The following ZMYND11 variants were observed in gnomAD, a reference collection of about 807,000 sequenced individuals.
ZMYND11 encodes zinc finger MYND-type containing 11, also known as zinc finger MYND domain-containing protein 11.
ZMYND11 carries 9 observed loss-of-function variants against 84.9 expected under a neutral mutation model. The ratio of observed to expected loss-of-function variants is 0.11; its 90% confidence interval spans 0.06 to 0.18. The LOEUF (loss-of-function observed/expected upper bound fraction) is 0.18, where lower values mean the gene tolerates loss of function less well. ZMYND11 is among the 10% of genes least tolerant of loss of function. The probability of loss-of-function intolerance (pLI) is 1.00; values close to 1 mark genes in which losing one functional copy is unlikely to be tolerated. For synonymous variants in ZMYND11, 250 were observed against 244.1 expected, an observed-to-expected ratio of 1.02 and a Z score of -0.23; for missense variants, 409 against 761.0, an observed-to-expected ratio of 0.54 and a Z score of 5.44.
At chr10:147,946 TAGGCATC>T (rs1158723938) in intron 1 of ZMYND11, 1 of 152,214 alleles carries the variant, frequency 6.6e-6, no homozygotes, top group African/African-American at 2.4e-5. Context: ...CTAATCCTGA[TAGGCATC>T]AGAAAAACTT....
chr10:244,532 C>G (rs1951719913), intron 10 of ZMYND11: 3 of 152,304 alleles, frequency 2.0e-5, no homozygotes, highest in Admixed American at 2.0e-4. Context: ...TAAGACCTGT[C>G]TTAAGGAGGC....
intron 2 of ZMYND11, among the ~76,000 whole-genome samples, chr10:209,596 C>T (rs932650818): frequency 1.3e-5 from 2 of 152,126 alleles, no homozygotes; most frequent in African/African-American, 2.4e-5. Context: ...TGACTACAGT[C>T]TCTTAAGTGA....
intron 6 of ZMYND11, 113 bp downstream of exon 6, chr10:237,790 C>CT (rs1242026054): frequency 3.0e-6 from 2 of 656,456 alleles, no homozygotes; most frequent in Non-Finnish European, 2.5e-6. Context: ...TGAAAGTGTA[C>CT]TTTTTTCCAC....
At chr10:230,517 T>C (rs905651710) in intron 4 of ZMYND11, among the ~76,000 whole-genome samples, 2 of 139,712 alleles carry the variant, frequency 1.4e-5, no homozygotes, top group African/African-American at 5.4e-5. Context: ...GCCTCCAGGG[T>C]TCTACCCCAG....
upstream of ZMYND11, chr10:135,025 A>C (rs1835567565): frequency 6.7e-6 from 1 of 148,976 alleles, no homozygotes; most frequent in South Asian, 2.1e-4. This position sits in a 1 kb window ranked among gnomAD's most constrained non-coding sequence, Gnocchi z 5.6. Context: ...GACCCGACAC[A>C]ATAAACTCCG....
At position 253,656 on chromosome 10, in the gene ZMYND11, T is replaced by G. The variant is rs1953909290; in HGVS notation, c.*1186T>G. On this transcript the variant is annotated 3_prime_UTR_variant, in exon 15 of 15. Coordinates refer to ENST00000381604, the MANE Select transcript of ZMYND11 (RefSeq NM_001370100.5). ...ACAGCCAGGAAAACTTAAATTACTTTTCTTTTAAAATATCTCACAATTTAT... is the reference window on the plus strand; with the variant it reads ...ACAGCCAGGAAAACTTAAATTACTTGTCTTTTAAAATATCTCACAATTTAT... 1 of 152,648 alleles carries G rather than the reference T, an allele frequency of 6.6e-6. No individual in the cohort carries two copies. The highest frequency in any genetic ancestry group is 1.5e-5 in the Non-Finnish European group (1 of 68,038). The allele number at this position is 152,648 out of a possible 1,614,324, so 9.5% of individuals were successfully genotyped here.
chr10:138,078 C>A (rs1333459423), intron 1 of ZMYND11, among the ~76,000 whole-genome samples: 1 of 147,256 alleles, frequency 6.8e-6, no homozygotes, highest in Non-Finnish European at 1.5e-5. Context: ...AAATTTAGTT[C>A]TTTCATTCAT....
At chr10:206,415 A>C (rs1944184170) in intron 2 of ZMYND11, among the ~76,000 whole-genome samples, 1 of 152,176 alleles carries the variant, frequency 6.6e-6, no homozygotes, top group Non-Finnish European at 1.5e-5. Flanking sequence ...CTATAGCCAT[A>C]CTTAGTTTTT....
chr10:154,746 A>T (rs1841297278), intron 1 of ZMYND11: 1 of 152,224 alleles, frequency 6.6e-6, no homozygotes, highest in African/African-American at 2.4e-5. Flanking sequence ...ATTTTAATAG[A>T]TATAAAGATG....
intron 4 of ZMYND11, among the ~76,000 whole-genome samples, chr10:227,262 T>C (rs2448379): frequency 0.89 from 135,447 of 152,234 alleles, 61,359 homozygotes; most frequent in Non-Finnish European, 0.97. Flanking sequence ...GTAGGAACTA[T>C]TCCTAAAATT....
chr10:188,404 A>G (rs1452693758), intron 2 of ZMYND11, among the ~76,000 whole-genome samples: 6 of 151,914 alleles, frequency 3.9e-5, no homozygotes, highest in Admixed American at 1.3e-4. Flanking sequence ...CCTGGGCAAC[A>G]TAATGAGACC....
At position 246,428 on chromosome 10, in the gene ZMYND11, T is replaced by C. The variant is rs186543337; in HGVS notation, c.951-338T>C. Among the ~76,000 whole-genome samples the C allele has an allele frequency of 4.2e-4, 64 of 152,346 alleles. 1 individual carries two copies. The highest frequency in any genetic ancestry group is 1.6e-3 in the Admixed American group (25 of 15,308). ...AAAGGACTTATGAAGAATACAGATA[T>C]GAACTAGGACAAGCTAAGCTGATTG... is the stretch of plus-strand genomic sequence containing the variant. On this transcript the variant is annotated intron_variant, in intron 10 of 14. Coordinates refer to ENST00000381604, the MANE Select transcript of ZMYND11 (RefSeq NM_001370100.5).
In ZMYND11 at chr10:252,204, C is replaced by A; in HGVS notation, c.1687-144C>A. The A allele has an allele frequency of 2.0e-6, 2 of 984,896 alleles. No homozygotes were observed. The highest frequency in any genetic ancestry group is 2.9e-6 in the Non-Finnish European group (2 of 680,612). 61.0% of individuals were successfully genotyped at this position (984,896 alleles called of 1,614,324 possible). On this transcript the variant is annotated intron_variant, in intron 14 of 14. Coordinates refer to ENST00000381604, the MANE Select transcript of ZMYND11 (RefSeq NM_001370100.5). This position sits in a 1 kb window ranked among gnomAD's most constrained non-coding sequence, Gnocchi z 4.6. Reference sequence around the variant, plus strand: ...ATCCCCAGGGCTCCCTTTCCATCTGCTGTGCATAAAACGTATTCAGATTCC... The same window carrying A: ...ATCCCCAGGGCTCCCTTTCCATCTGATGTGCATAAAACGTATTCAGATTCC...
At chr10:131,791 G>A (rs1376674537), upstream of ZMYND11, among the ~76,000 whole-genome samples, 7 of 152,016 alleles carry the variant, frequency 4.6e-5, no homozygotes, top group African/African-American at 1.7e-4. Context: ...GCCTCCCAAA[G>A]TGTTGGGGTT....
chr10:209,858 A>AT (rs767304814), intron 2 of ZMYND11, 31 bp from the exon 3 acceptor site: 3 of 1,575,206 alleles, frequency 1.9e-6, no homozygotes, highest in East Asian at 2.3e-5. Context: ...GTACTGAAAG[A>AT]TTTTTAAATT....
intron 1 of ZMYND11, among the ~76,000 whole-genome samples, chr10:179,649 G>A (rs1346709478): frequency 4.6e-5 from 7 of 152,024 alleles, no homozygotes; most frequent in Non-Finnish European, 1.0e-4. Context: ...TACAAACAAC[G>A]CGATGTCAAC....
intron 4 of ZMYND11, among the ~76,000 whole-genome samples, chr10:233,796 T>C (rs761403371): frequency 6.6e-6 from 1 of 152,242 alleles, no homozygotes; most frequent in Non-Finnish European, 1.5e-5. Flanking sequence ...CATTTAGTTT[T>C]GTGAAATTAA....
intron 3 of ZMYND11, among the ~76,000 whole-genome samples, chr10:217,482 C>T (rs537946212): frequency 2.2e-3 from 325 of 149,052 alleles, no homozygotes; most frequent in African/African-American, 7.5e-3. Flanking sequence ...GAGATTTCGC[C>T]GTTGCACTCC....
At chr10:188,591 CAAAAA>C (rs57541654) in intron 2 of ZMYND11, among the ~76,000 whole-genome samples, 1 of 120,090 alleles carries the variant, frequency 8.3e-6, no homozygotes, top group Non-Finnish European at 1.8e-5. Flanking sequence ...GACCCTGTCT[CAAAAA>C]AAAAAAAAAA....
Sources: allele counts gnomAD v4.1 joint callset (sites outside exome capture counted in the v4.1 genomes callset), GRCh38; gene constraint gnomAD v4.1.1; non-coding constraint Gnocchi (gnomAD v3.1); transcripts MANE v1.5; gene names NCBI Gene and HGNC (gene_info 2026-07-23, HGNC 2026-07-21).